Variants in GABPA observed in about 807,000 individuals in gnomAD.
GABPA encodes the protein GA-binding protein alpha chain.
GABPA carries 4 observed loss-of-function variants against 59.4 expected under a neutral mutation model. The observed-to-expected ratio is 0.07, with a 90% CI of 0.03 to 0.15. The LOEUF is 0.15. GABPA is among the 10% of genes least tolerant of loss of function. The pLI is 1.00. For synonymous variants in GABPA, 164 were observed against 183.1 expected (o/e 0.90, Z 0.84); for missense variants, 251 against 543.8 (o/e 0.46, Z 5.36).
At chr21:25,754,778 A>G (rs535732883) in intron 5 of GABPA, among the ~76,000 whole-genome samples, 12 of 152,306 alleles carry the variant, frequency 7.9e-5, no homozygotes, top group Admixed American at 7.8e-4. Flanking sequence ...TAGGCCAGGC[A>G]CAGTGGCTCA....
At chr21:25,757,849 A>ATTTTTT (rs60518912) in intron 5 of GABPA, among the ~76,000 whole-genome samples, 161 bp from the exon 6 acceptor site, 16 of 108,724 alleles carry the variant, frequency 1.5e-4, no homozygotes, top group African/African-American at 3.3e-4. Context: ...TTACAGCATA[A>ATTTTTT]TTTTTTTTTT....
In GABPA at chr21:25,735,002, T is replaced by A. The variant is rs763296625; in HGVS notation, c.-603T>A. 3 of 1,546,084 alleles carry A rather than the reference T, an allele frequency of 1.9e-6. No homozygotes were observed. Among genetic ancestry groups the A allele is most frequent in the East Asian group, 2.4e-5 (1 of 41,226 alleles). On this transcript the variant is annotated 5_prime_UTR_variant, in exon 1 of 10. Transcript: ENST00000400075. ...GTCGACGCTCACCGGACAGGAAGCGTCTCGGAGACAGTCTGCGACCGGACG... is the reference window on the plus strand; with the variant it reads ...GTCGACGCTCACCGGACAGGAAGCGACTCGGAGACAGTCTGCGACCGGACG...
rs990213226 is a variant in GABPA, at chr21:25,771,403, C to T, written c.*2171C>T. 2.6e-5 allele frequency: 4 copies of T among 151,444 alleles called. No homozygotes were observed. The highest frequency in any genetic ancestry group is 4.4e-5 in the Non-Finnish European group (3 of 67,746). The allele number at this position is 151,444 out of a possible 1,614,324, so 9.4% of individuals were successfully genotyped here. A position where few individuals can be genotyped will look rare whatever the true frequency, so the allele number is the denominator to read the frequency against. ...CTTTAGCAATTTTCATTTTATTTCT[C>T]ATAATTTGAACAGAGACAGTTCTCA... On this transcript the variant is annotated 3_prime_UTR_variant, in exon 10 of 10. Coordinates refer to ENST00000400075, the MANE Select transcript of GABPA (RefSeq NM_002040.4).
rs1568958716 is a variant in GABPA, at chr21:25,772,286, T to G, written c.*3054T>G. 2.0e-5 allele frequency: 3 copies of G among 152,126 alleles called. No individual in the cohort carries two copies. The highest frequency in any genetic ancestry group is 7.2e-5 in the African/African-American group (3 of 41,452). The allele number at this position is 152,126 out of a possible 1,614,324, so 9.4% of individuals were successfully genotyped here. The stretch of plus-strand genomic sequence containing the variant: ...GGACTTTTGCATACATTTTTACTCT[T>G]TAAATAACGACAACGACACTTATAC... On this transcript the variant is annotated 3_prime_UTR_variant, in exon 10 of 10. Transcript: ENST00000400075.
chr21:25,754,580 G>A (rs903393392), intron 5 of GABPA, among the ~76,000 whole-genome samples: 3 of 151,698 alleles, frequency 2.0e-5, no homozygotes, highest in African/African-American at 7.3e-5. Flanking sequence ...TGCCAATATC[G>A]TGTTTTCTCC....
Position 25,769,786 on chromosome 21 carries a change from T to C in GABPA, c.*554T>C, listed in dbSNP as rs2035973469. On this transcript the variant is annotated 3_prime_UTR_variant, in exon 10 of 10. Coordinates refer to ENST00000400075, the MANE Select transcript of GABPA (RefSeq NM_002040.4). Reference sequence around the variant, plus strand: ...TAAACTAAGAGTATCAGGTTATTTATATATTTGCAAGCAAAGGACAGTAAG... The same window carrying C: ...TAAACTAAGAGTATCAGGTTATTTACATATTTGCAAGCAAAGGACAGTAAG... 1 of 152,616 alleles carries C rather than the reference T, an allele frequency of 6.6e-6. No homozygotes were observed. The highest frequency in any genetic ancestry group is 1.5e-5 in the Non-Finnish European group (1 of 68,060). 9.5% of individuals were successfully genotyped at this position (152,616 alleles called of 1,614,324 possible). A position where few individuals can be genotyped will look rare whatever the true frequency, so the allele number is the denominator to read the frequency against.
At chr21:25,740,416 A>G (rs755232907) in intron 1 of GABPA, among the ~76,000 whole-genome samples, 1 of 152,242 alleles carries the variant, frequency 6.6e-6, no homozygotes. Context: ...TACGCTTAGA[A>G]TAACTACTCA....
chr21:25,749,192 G>A, intron 4 of GABPA, 72 bp downstream of exon 4: 1 of 912,498 alleles, frequency 1.1e-6, no homozygotes, highest in Non-Finnish European at 1.7e-6. Context: ...TAAGTTTTTA[G>A]GTGTTTTCGA....
chr21:25,765,386 C>T (rs1388162738), intron 9 of GABPA, among the ~76,000 whole-genome samples: 1 of 152,044 alleles, frequency 6.6e-6, no homozygotes. Flanking sequence ...CTGCAATTCA[C>T]GAGTTTTTCT....
chr21:25,747,334 C>T (rs764651), intron 3 of GABPA, among the ~76,000 whole-genome samples: 5,361 of 152,270 alleles, frequency 0.035, 302 homozygotes, highest in African/African-American at 0.12. Flanking sequence ...TTATTGCTTT[C>T]TTTATAACAC....
At chr21:25,763,669 G>T (rs2035819149) in intron 7 of GABPA, among the ~76,000 whole-genome samples, 1 of 151,988 alleles carries the variant, frequency 6.6e-6, no homozygotes, top group Non-Finnish European at 1.5e-5. Context: ...TTTATCATTT[G>T]AGAATTACTC....
Position 25,769,107 on chromosome 21 carries a change from T to C in GABPA, c.1240T>C (p.Leu414=). The change falls in exon 10 of 10, where the codon TTG becomes CTG. Residue 414 remains leucine (L), a synonymous_variant. Coordinates refer to ENST00000400075, the MANE Select transcript of GABPA (RefSeq NM_002040.4). ...TCTTATTGGATACAGTGCAGCGGAG[T>C]TGAACCGTTTGGTCACAGAATGTGA... ...KTLIGYSAAE[L]NRLVTECEQK... 4 of 1,613,296 alleles carry C rather than the reference T, an allele frequency of 2.5e-6. No individual in the cohort carries two copies. Among genetic ancestry groups the C allele is most frequent in the Non-Finnish European group, 2.5e-6 (3 of 1,179,358 alleles).
rs1223792442 is a variant in GABPA, at chr21:25,764,644, T to C, written c.993T>C (p.Thr331=). ...QLWQFLLELL[T]DKDARDCISW... ...GGCAGTTTTTGCTAGAACTTCTTAC[T>C]GATAAGGACGCTCGAGACTGCATTT... The change falls in exon 9 of 10, where the codon ACT becomes ACC. Residue 331 remains threonine, a synonymous_variant. Coordinates refer to ENST00000400075, the MANE Select transcript of GABPA (RefSeq NM_002040.4). 1.2e-6 allele frequency: 2 copies of C among 1,612,104 alleles called. No homozygotes were observed. The highest frequency in any genetic ancestry group is 1.7e-5 in the Admixed American group (1 of 59,678).
chr21:25,750,850 A>C (rs2035491396), intron 4 of GABPA, among the ~76,000 whole-genome samples: 1 of 152,190 alleles, frequency 6.6e-6, no homozygotes, highest in Admixed American at 6.6e-5. Flanking sequence ...AATCTAGATG[A>C]AGGATTAGGA....
chr21:25,752,742 G>A (rs745937532), intron 5 of GABPA, among the ~76,000 whole-genome samples: 2 of 152,164 alleles, frequency 1.3e-5, no homozygotes, highest in South Asian at 2.1e-4. Flanking sequence ...TTACTCTGTA[G>A]CATTACAGAA....
At position 25,748,303 on chromosome 21, in the gene GABPA, C is replaced by T. The variant is rs71649688; in HGVS notation, c.223-733C>T. ...ACCATCAGTTGAATTCTTGGGAATG[C>T]GAGTAGGACATGCAGCTTTATGACA... On this transcript the variant is annotated intron_variant, in intron 3 of 9. Transcript: ENST00000400075. 9.0e-3 allele frequency among the ~76,000 whole-genome samples: 1,377 copies of T among 152,180 alleles called. 23 individuals carry two copies. Among genetic ancestry groups the T allele is most frequent in the African/African-American group, 0.032 (1,312 of 41,500 alleles).
chr21:25,767,650 C>T (rs2035924271), intron 9 of GABPA, among the ~76,000 whole-genome samples: 1 of 151,936 alleles, frequency 6.6e-6, no homozygotes, highest in African/African-American at 2.4e-5. Context: ...TATAGTCTTA[C>T]ATATTAATGT....
chr21:25,755,521 G>A (rs888716681), intron 5 of GABPA, among the ~76,000 whole-genome samples: 8 of 151,688 alleles, frequency 5.3e-5, no homozygotes, highest in African/African-American at 1.9e-4. Flanking sequence ...GTCAGCAGTA[G>A]AAGATAGGGG....
At chr21:25,768,862 A>G in intron 9 of GABPA, 142 bp from the exon 10 acceptor site, 1 of 577,834 alleles carries the variant, frequency 1.7e-6, no homozygotes. Flanking sequence ...GTAGCATTAA[A>G]TATTCTACAT....
Sources: gnomAD v4.1 joint callset for allele counts (sites outside exome capture counted in the v4.1 genomes callset) on GRCh38, gnomAD v4.1.1 for gene constraint, MANE v1.5 for transcripts, NCBI Gene and HGNC (gene_info 2026-07-23, HGNC 2026-07-21) for gene names.